CREB5: variants seen among roughly 807,000 people sequenced by gnomAD.
CREB5 encodes the protein cyclic AMP-responsive element-binding protein 5.
In CREB5, 19 loss-of-function variants were observed where a neutral mutation model predicts 57.1. The observed-to-expected ratio is 0.33, with a 90% CI of 0.23 to 0.49. The LOEUF is 0.49. Among genes scored for constraint, CREB5 ranks in the 20% least tolerant of loss-of-function variants. The probability of loss-of-function intolerance (pLI) is 0.99; values close to 1 mark genes in which losing one functional copy is unlikely to be tolerated. For missense variants in CREB5, 579 were observed against 671.6 expected (o/e 0.86, Z 1.52); for synonymous variants, 238 against 238.3 (o/e 1.00, Z 0.01).
intron 5 of CREB5, among the ~76,000 whole-genome samples, chr7:28,661,480 G>T (rs1216373731): frequency 6.6e-6 from 1 of 151,688 alleles, no homozygotes; most frequent in Non-Finnish European, 1.5e-5. Context: ...GTCAAGGGGG[G>T]AAACTGCTTC....
intron 5 of CREB5, among the ~76,000 whole-genome samples, chr7:28,687,876 ACTTAAACCAT>A (rs1345187755): frequency 1.6e-4 from 24 of 152,072 alleles, no homozygotes; most frequent in African/African-American, 5.8e-4. Context: ...TGAGCAAATC[ACTTAAACCAT>A]CTGGGCACTA....
At chr7:28,598,084 CTTGAA>C (rs1796759351) in intron 5 of CREB5, among the ~76,000 whole-genome samples, 1 of 152,154 alleles carries the variant, frequency 6.6e-6, no homozygotes, top group African/African-American at 2.4e-5. Context: ...CAAATCTCAA[CTTGAA>C]TTGTTTCTCC....
intron 7 of CREB5, among the ~76,000 whole-genome samples, chr7:28,739,341 C>T (rs78764793): frequency 0.022 from 3,298 of 152,280 alleles, 50 homozygotes; most frequent in Non-Finnish European, 0.032. Context: ...ACATTTCCAT[C>T]GTGTCTGTTC....
At chr7:28,715,117 T>C (rs1190891196) in intron 5 of CREB5, among the ~76,000 whole-genome samples, 1 of 152,226 alleles carries the variant, frequency 6.6e-6, no homozygotes, top group Non-Finnish European at 1.5e-5. Flanking sequence ...TTAGCAGTAT[T>C]ACAGGATTTT....
At chr7:28,324,214 T>C (rs1006018011) in intron 1 of CREB5, among the ~76,000 whole-genome samples, 7 of 152,164 alleles carry the variant, frequency 4.6e-5, no homozygotes, top group Admixed American at 6.5e-5. Flanking sequence ...AAACAAACCT[T>C]ACATGATCCC....
intron 1 of CREB5, among the ~76,000 whole-genome samples, chr7:28,444,216 G>A (rs1397217117): frequency 1.3e-5 from 2 of 152,160 alleles, no homozygotes; most frequent in Non-Finnish European, 2.9e-5. Flanking sequence ...CCCTTGCCAT[G>A]TGCCTGAATT....
chr7:28,382,020 C>T (rs6462080), intron 1 of CREB5, among the ~76,000 whole-genome samples: 7,413 of 152,258 alleles, frequency 0.049, 586 homozygotes, highest in African/African-American at 0.17. Context: ...AGTCTGAAGG[C>T]CTCAGAGTGG....
chr7:28,666,678 A>G (rs2128716652), intron 5 of CREB5, among the ~76,000 whole-genome samples: 1 of 152,240 alleles, frequency 6.6e-6, no homozygotes, highest in Non-Finnish European at 1.5e-5. Flanking sequence ...AAACTTTGTC[A>G]AACTTGGGCA....
intron 5 of CREB5, among the ~76,000 whole-genome samples, chr7:28,678,058 C>T (rs930877946): frequency 6.6e-6 from 1 of 152,162 alleles, no homozygotes; most frequent in African/African-American, 2.4e-5. Flanking sequence ...CTATAGAACA[C>T]CTTGGACATC....
chr7:28,772,948 T>G (rs910078764), intron 7 of CREB5, among the ~76,000 whole-genome samples: 3 of 152,184 alleles, frequency 2.0e-5, no homozygotes, highest in African/African-American at 4.8e-5. Flanking sequence ...CTCCTAGATC[T>G]CAGGTTCATT....
At chr7:28,578,664 T>TA (rs1363997079) in intron 5 of CREB5, among the ~76,000 whole-genome samples, 7 of 152,174 alleles carry the variant, frequency 4.6e-5, no homozygotes, top group Admixed American at 1.3e-4. Flanking sequence ...GATTCTGAAT[T>TA]AAAAAAGAAG....
chr7:28,729,018 G>A (rs1803474559), intron 7 of CREB5, among the ~76,000 whole-genome samples: 1 of 152,008 alleles, frequency 6.6e-6, no homozygotes, highest in Non-Finnish European at 1.5e-5. Context: ...TTCTTCCATT[G>A]TGTTGGACTG....
intron 4 of CREB5, among the ~76,000 whole-genome samples, chr7:28,524,128 T>A (rs529388370): frequency 6.6e-6 from 1 of 152,282 alleles, no homozygotes; most frequent in Admixed American, 6.5e-5. Context: ...CTGAAGTGCT[T>A]TCTACCTCTG....
chr7:28,746,212 A>G (rs1374270280), intron 7 of CREB5, among the ~76,000 whole-genome samples: 1 of 152,196 alleles, frequency 6.6e-6, no homozygotes, highest in Non-Finnish European at 1.5e-5. Context: ...ATTAGCAAAA[A>G]TGAATTCTCT....
intron 6 of CREB5, among the ~76,000 whole-genome samples, chr7:28,719,582 A>G (rs1371664174): frequency 6.6e-6 from 1 of 152,176 alleles, no homozygotes; most frequent in East Asian, 1.9e-4. Flanking sequence ...TTTCCCTCTC[A>G]CAACAAACCT....
intron 1 of CREB5, among the ~76,000 whole-genome samples, chr7:28,421,854 TCTCTATATATACC>T (rs748830761): frequency 3.0e-4 from 6 of 20,000 alleles, no homozygotes; most frequent in African/African-American, 1.7e-3. Flanking sequence ...ACACTCTCTC[TCTCTATATATACC>T]ATATATATGG....
At chr7:28,396,857 C>T (rs1295933400) in intron 1 of CREB5, among the ~76,000 whole-genome samples, 2 of 152,190 alleles carry the variant, frequency 1.3e-5, no homozygotes, top group African/African-American at 4.8e-5. Context: ...CTGCCTTCAT[C>T]TCCCTTTACC....
At chr7:28,688,653 G>A (rs1280689238) in intron 5 of CREB5, among the ~76,000 whole-genome samples, 4 of 152,162 alleles carry the variant, frequency 2.6e-5, no homozygotes, top group Non-Finnish European at 5.9e-5. Flanking sequence ...TGTATCCGGG[G>A]TAGTAGCCTT....
chr7:28,736,800 T>C (rs1396842904), intron 7 of CREB5, among the ~76,000 whole-genome samples: 1 of 151,250 alleles, frequency 6.6e-6, no homozygotes, highest in African/African-American at 2.4e-5. Flanking sequence ...ATGTCAGCTA[T>C]GTACTTAGGC....
Sources: allele counts gnomAD v4.1 joint callset (sites outside exome capture counted in the v4.1 genomes callset), GRCh38; gene constraint gnomAD v4.1.1; transcripts MANE v1.5; gene names NCBI Gene and HGNC (gene_info 2026-07-23, HGNC 2026-07-21).